The following NCKAP5 variants were observed in gnomAD, a reference collection of about 807,000 sequenced individuals.
The protein encoded by NCKAP5 is nck-associated protein 5.
NCKAP5 carries 92 observed loss-of-function variants against 167.0 expected under a neutral mutation model. The observed-to-expected ratio is 0.55, with a 90% CI of 0.47 to 0.66. The LOEUF (loss-of-function observed/expected upper bound fraction) is 0.66. Ranked by LOEUF, NCKAP5 falls within the 30% of genes least tolerant of loss-of-function variation. NCKAP5 has a pLI of 0.00. For synonymous variants in NCKAP5, 891 were observed against 877.4 expected, an observed-to-expected ratio of 1.02 and a Z score of -0.27; for missense variants, 2,378 against 2,315.0, an observed-to-expected ratio of 1.03 and a Z score of -0.56.
At chr2:132,711,714 ACCCTCCTTTT>A (rs1312738438) in intron 19 of NCKAP5, among the ~76,000 whole-genome samples, 1 of 152,018 alleles carries the variant, frequency 6.6e-6, no homozygotes, top group East Asian at 1.9e-4. Context: ...ACCCAGACAG[ACCCTCCTTTT>A]CCCTCCCTCA....
At chr2:133,136,724 C>G (rs1466237906) in intron 5 of NCKAP5, among the ~76,000 whole-genome samples, 2 of 152,078 alleles carry the variant, frequency 1.3e-5, no homozygotes, top group African/African-American at 2.4e-5. Flanking sequence ...TAGAGAAGGA[C>G]AAAGGGATTC....
chr2:133,193,479 A>G (rs6735670), intron 5 of NCKAP5, among the ~76,000 whole-genome samples: 1 of 152,120 alleles, frequency 6.6e-6, no homozygotes, highest in Non-Finnish European at 1.5e-5. Context: ...AGCAATGAAA[A>G]CATCTGTTAA....
the NCKAP5 span, among the ~76,000 whole-genome samples, chr2:133,621,360 A>G: frequency 2.6e-5 from 4 of 152,164 alleles, no homozygotes; most frequent in Non-Finnish European, 5.9e-5. Context: ...AGATAAATAA[A>G]ATTGATAGAC....
intron 3 of NCKAP5, among the ~76,000 whole-genome samples, chr2:133,446,016 G>A (rs1691170173): frequency 6.6e-6 from 1 of 152,162 alleles, no homozygotes. Flanking sequence ...GATTAAGCTT[G>A]TGTTCCAGGG....
the NCKAP5 span, among the ~76,000 whole-genome samples, chr2:133,638,280 T>C: frequency 2.6e-5 from 4 of 152,200 alleles, no homozygotes; most frequent in African/African-American, 9.6e-5. Flanking sequence ...AATATGACAG[T>C]GCTAAACTAG....
chr2:133,264,383 C>G (rs1265593072), intron 4 of NCKAP5, among the ~76,000 whole-genome samples: 1 of 152,158 alleles, frequency 6.6e-6, no homozygotes, highest in Non-Finnish European at 1.5e-5. Context: ...CTGTAAAGTC[C>G]TAGTCAAATG....
At chr2:133,102,748 C>CAT (rs2149685126) in intron 6 of NCKAP5, among the ~76,000 whole-genome samples, 1 of 110,196 alleles carries the variant, frequency 9.1e-6, no homozygotes, top group South Asian at 2.4e-4. Flanking sequence ...CATGTAAACA[C>CAT]ACACACACAC....
At chr2:133,581,150 A>AT in the NCKAP5 span, among the ~76,000 whole-genome samples, 1 of 152,228 alleles carries the variant, frequency 6.6e-6, no homozygotes, top group Non-Finnish European at 1.5e-5. Context: ...TCTGTATAGA[A>AT]TGACGACATC....
intron 3 of NCKAP5, among the ~76,000 whole-genome samples, chr2:133,452,184 C>T (rs1158496106): frequency 6.6e-6 from 1 of 152,174 alleles, no homozygotes; most frequent in Non-Finnish European, 1.5e-5. Context: ...AATGCAGCCT[C>T]CTCTCCTTGA....
At chr2:133,497,770 T>C (rs909253350) in intron 3 of NCKAP5, among the ~76,000 whole-genome samples, 1 of 152,152 alleles carries the variant, frequency 6.6e-6, no homozygotes, top group African/African-American at 2.4e-5. Flanking sequence ...AAATTTTATA[T>C]ATGACTGTGA....
chr2:133,442,248 T>C (rs1340135992), intron 3 of NCKAP5, among the ~76,000 whole-genome samples: 1 of 152,010 alleles, frequency 6.6e-6, no homozygotes, highest in Non-Finnish European at 1.5e-5. Context: ...TATAGAGTGG[T>C]AGTAATTGGG....
In NCKAP5 at chr2:133,125,056, AATC is replaced by A. The variant is rs60949417; in HGVS notation, c.341+4919_341+4921del. On this transcript the variant is annotated intron_variant, in intron 6 of 19. Coordinates refer to ENST00000409261, the MANE Select transcript of NCKAP5 (RefSeq NM_207363.3). Reference sequence around the variant, plus strand: ...AGCCAGACCCTGTCTCAATAATAATAATCATCATCATCATCTACAAGTTGATTA... The same window carrying A: ...AGCCAGACCCTGTCTCAATAATAATAATCATCATCATCTACAAGTTGATTA... 5.3e-3 allele frequency among the ~76,000 whole-genome samples: 806 copies of A among 152,074 alleles called. 16 individuals carry two copies. The highest frequency in any genetic ancestry group is 0.018 in the African/African-American group (765 of 41,494).
rs140113953 is a variant in NCKAP5 at position 133,275,217 on chromosome 2, T to G, written c.143+27820A>C. 2.2e-3 allele frequency among the ~76,000 whole-genome samples: 329 copies of G among 152,232 alleles called. 2 individuals are homozygous for G. Among genetic ancestry groups the G allele is most frequent in the Admixed American group, 0.019 (290 of 15,282 alleles). On this transcript the variant is annotated intron_variant, in intron 4 of 19. Transcript: ENST00000409261. ...AAAACAACAATGAGGTAGCATTTCATGCCTATCATAATTCCAAAATATAAT... is the reference window on the plus strand; with the variant it reads ...AAAACAACAATGAGGTAGCATTTCAGGCCTATCATAATTCCAAAATATAAT...
intron 4 of NCKAP5, among the ~76,000 whole-genome samples, chr2:133,286,239 G>A (rs1475307173): frequency 2.6e-5 from 4 of 152,006 alleles, no homozygotes; most frequent in East Asian, 3.9e-4. Context: ...CTCGTGATCC[G>A]CCTGCCTCGG....
At chr2:132,993,323 G>A (rs2077499157) in intron 7 of NCKAP5, among the ~76,000 whole-genome samples, 1 of 152,144 alleles carries the variant, frequency 6.6e-6, no homozygotes, top group Admixed American at 6.6e-5. Context: ...TGTTTCTATT[G>A]TATTTCCCTT....
chr2:133,054,214 C>T (rs2079710033), intron 6 of NCKAP5, among the ~76,000 whole-genome samples: 1 of 152,196 alleles, frequency 6.6e-6, no homozygotes, highest in Non-Finnish European at 1.5e-5. Context: ...ATTATTCCTT[C>T]CACAAACATT....
chr2:133,464,792 C>A (rs142739272), intron 3 of NCKAP5, among the ~76,000 whole-genome samples: 1 of 152,098 alleles, frequency 6.6e-6, no homozygotes, highest in East Asian at 1.9e-4. Context: ...TGGATGCCAC[C>A]TTGTCATTGC....
At chr2:133,545,041 A>C (rs367701305) in intron 2 of NCKAP5, among the ~76,000 whole-genome samples, 48 of 152,310 alleles carry the variant, frequency 3.2e-4, no homozygotes, top group African/African-American at 1.1e-3. Flanking sequence ...GCAGGCAGGA[A>C]GACAGAACTC....
rs555198741 is a variant in NCKAP5, at chr2:133,196,816, G to A, written c.207+16900C>T. Among the ~76,000 whole-genome samples the A allele has an allele frequency of 1.1e-4, 17 of 152,248 alleles. No individual in the cohort carries two copies. The East Asian group carries it at 3.3e-3, about 29-fold the overall frequency. Reference sequence around the variant, plus strand: ...GATCAGAGAAGCAGGGACTTACAATGTTTAGTTTTTTCCTAGTTTCCCTTC... The same window carrying A: ...GATCAGAGAAGCAGGGACTTACAATATTTAGTTTTTTCCTAGTTTCCCTTC... On this transcript the variant is annotated intron_variant, in intron 5 of 19. Coordinates refer to ENST00000409261, the MANE Select transcript of NCKAP5 (RefSeq NM_207363.3).
Sources: gnomAD v4.1 joint callset for allele counts (sites outside exome capture counted in the v4.1 genomes callset) on GRCh38, gnomAD v4.1.1 for gene constraint, MANE v1.5 for transcripts, NCBI Gene and HGNC (gene_info 2026-07-23, HGNC 2026-07-21) for gene names.